CADPS2: variants seen among roughly 807,000 people sequenced by gnomAD.
CADPS2 encodes calcium-dependent secretion activator 2.
In CADPS2, 93 loss-of-function variants were observed where a neutral mutation model predicts 172.5. The ratio of observed to expected loss-of-function variants is 0.54; its 90% CI spans 0.46 to 0.64. The LOEUF is 0.64. Among genes scored for constraint, CADPS2 ranks in the 30% least tolerant of loss-of-function variants. CADPS2 has a pLI of 0.00. For missense variants in CADPS2, 1,420 were observed against 1,565.9 expected, an observed-to-expected ratio of 0.91 and a Z score of 1.57; for synonymous variants, 546 against 555.2, an observed-to-expected ratio of 0.98 and a Z score of 0.23.
At chr7:122,758,432 A>G (rs2093254671) in intron 1 of CADPS2, among the ~76,000 whole-genome samples, 1 of 152,188 alleles carries the variant, frequency 6.6e-6, no homozygotes, top group Non-Finnish European at 1.5e-5. Context: ...CACAGGGGTA[A>G]AACAAAGCAA....
chr7:122,886,039 T>A lies in CADPS2; in HGVS notation c.299A>T (p.Asn100Ile). 1 of 1,608,516 alleles carries A rather than the reference T, an allele frequency of 6.2e-7. No individual in the cohort carries two copies. The highest frequency in any genetic ancestry group is 8.5e-7 in the Non-Finnish European group (1 of 1,177,840). ...GGCCATGTCGGTGGGCTGCTTGGCG[T>A]TGAAGGGGTACGCGATGCACCTCAC... Reference protein sequence around the residue: ...FVVRCIAYPFNAKQPTDMARR... With the variant: ...FVVRCIAYPFIAKQPTDMARR... The change falls in exon 1 of 30, where the codon AAC becomes ATC. Residue 100 changes from asparagine (N) to isoleucine (I), a missense_variant. By Grantham distance (149) the Asn-to-Ile change is moderately radical. Coordinates refer to ENST00000449022, the MANE Select transcript of CADPS2 (RefSeq NM_017954.11).
intron 17 of CADPS2, among the ~76,000 whole-genome samples, chr7:122,432,576 G>A (rs1005878528): frequency 6.6e-6 from 1 of 151,010 alleles, no homozygotes; most frequent in African/African-American, 2.4e-5. Context: ...GGGAGGCGGA[G>A]GTTGCAGTGA....
intron 2 of CADPS2, among the ~76,000 whole-genome samples, chr7:122,709,004 C>T (rs1214369247): frequency 6.6e-6 from 1 of 152,062 alleles, no homozygotes; most frequent in Non-Finnish European, 1.5e-5. Context: ...ACCATTTAGA[C>T]TGGATTTTTG....
At chr7:122,869,918 G>C (rs958516830) in intron 1 of CADPS2, among the ~76,000 whole-genome samples, 1 of 151,890 alleles carries the variant, frequency 6.6e-6, no homozygotes, top group Non-Finnish European at 1.5e-5. Flanking sequence ...AATGTTTTAT[G>C]GTAGCCTCAT....
At chr7:122,645,912 G>A (rs1051691550) in intron 3 of CADPS2, among the ~76,000 whole-genome samples, 6 of 150,458 alleles carry the variant, frequency 4.0e-5, no homozygotes, top group Admixed American at 6.7e-5. Context: ...TTCATCTTCT[G>A]GAAAAAAGGA....
At chr7:122,714,365 G>T (rs2089268679) in intron 2 of CADPS2, among the ~76,000 whole-genome samples, 2 of 151,978 alleles carry the variant, frequency 1.3e-5, no homozygotes, top group African/African-American at 4.8e-5. Context: ...ACAACTTTCA[G>T]ATTGTTTCTA....
At chr7:122,334,736 T>C (rs1229190789) in intron 28 of CADPS2, among the ~76,000 whole-genome samples, 1 of 152,200 alleles carries the variant, frequency 6.6e-6, no homozygotes, top group Non-Finnish European at 1.5e-5. Flanking sequence ...ATTATTAGTA[T>C]CTATTTTGAA....
chr7:122,377,799 C>T (rs565822474), intron 25 of CADPS2, among the ~76,000 whole-genome samples: 5 of 152,124 alleles, frequency 3.3e-5, no homozygotes, highest in African/African-American at 4.8e-5. Context: ...GTATCTGTAT[C>T]TGTAGGTATT....
chr7:122,536,772 A>G (rs2062331380), intron 8 of CADPS2, among the ~76,000 whole-genome samples: 1 of 152,104 alleles, frequency 6.6e-6, no homozygotes, highest in Non-Finnish European at 1.5e-5. Flanking sequence ...CTCAACTCTC[A>G]CATCAGAGGT....
intron 7 of CADPS2, among the ~76,000 whole-genome samples, chr7:122,564,061 A>C (rs1159803444): frequency 2.0e-5 from 3 of 152,240 alleles, no homozygotes; most frequent in East Asian, 1.9e-4. Flanking sequence ...AAAAATAAAA[A>C]AACTAGAATA....
intron 14 of CADPS2, among the ~76,000 whole-genome samples, chr7:122,465,895 G>C (rs1217842438): frequency 6.6e-6 from 1 of 152,136 alleles, no homozygotes; most frequent in African/African-American, 2.4e-5. Flanking sequence ...CGTCAACATA[G>C]ATCTACAAAT....
chr7:122,649,898 ATTTTTTTTTTT>A (rs71531909), intron 3 of CADPS2, among the ~76,000 whole-genome samples: 19 of 52,020 alleles, frequency 3.7e-4, no homozygotes, highest in Admixed American at 2.9e-3. Context: ...GTATTCAATG[ATTTTTTTTTTT>A]TTTTTTTTTT....
chr7:122,798,297 G>C (rs1023497216), intron 1 of CADPS2, among the ~76,000 whole-genome samples: 12 of 152,070 alleles, frequency 7.9e-5, no homozygotes, highest in African/African-American at 2.9e-4. Context: ...AGTTCACCCA[G>C]CCCCTAGACC....
In CADPS2 at chr7:122,681,484, G is replaced by A. The variant is rs1261090466; in HGVS notation, c.454-17915C>T. ...GCAGTCAGGGACATTTCTGAAGCAAGCGTCTTCGATGCCTATGTGCTTCCC... is the reference window on the plus strand; with the variant it reads ...GCAGTCAGGGACATTTCTGAAGCAAACGTCTTCGATGCCTATGTGCTTCCC... On this transcript the variant is annotated intron_variant, in intron 2 of 29. Transcript: ENST00000449022. The A allele has an allele frequency of 1.9e-5, 29 of 1,506,364 alleles. No homozygotes were observed. In the East Asian group the frequency reaches 6.5e-4, roughly 34 times the overall value. The allele number at this position is 1,506,364 out of a possible 1,614,324, so 93.3% of individuals were successfully genotyped here. A position where few individuals can be genotyped will look rare whatever the true frequency, so the allele number is the denominator to read the frequency against.
Position 122,697,695 on chromosome 7 carries a change from A to G in CADPS2, c.454-34126T>C, listed in dbSNP as rs952310030. The G allele has an allele frequency of 3.1e-6, 3 of 958,214 alleles. No individual in the cohort carries two copies. In the African/African-American group the frequency reaches 4.9e-5, roughly 16 times the overall value. The allele number at this position is 958,214 out of a possible 1,614,324, so 59.4% of individuals were successfully genotyped here. On this transcript the variant is annotated intron_variant, in intron 2 of 29. Transcript: ENST00000449022. Reference sequence around the variant, plus strand: ...AATTACTGAAGTAACAAAAAAGGACACAAAAACCACACTTCAAACAGACAA... The same window carrying G: ...AATTACTGAAGTAACAAAAAAGGACGCAAAAACCACACTTCAAACAGACAA...
At chr7:122,875,053 T>C (rs900842046) in intron 1 of CADPS2, among the ~76,000 whole-genome samples, 21 of 152,234 alleles carry the variant, frequency 1.4e-4, no homozygotes, top group African/African-American at 5.1e-4. Flanking sequence ...TATTAAAGCA[T>C]GGGACTAGGC....
chr7:122,601,323 A>G (rs976152579), intron 6 of CADPS2, among the ~76,000 whole-genome samples: 3 of 152,094 alleles, frequency 2.0e-5, no homozygotes, highest in African/African-American at 7.2e-5. Context: ...ATTAGAACAC[A>G]GTGAGAATTT....
intron 9 of CADPS2, among the ~76,000 whole-genome samples, chr7:122,511,449 A>G (rs2059996036): frequency 6.6e-6 from 1 of 152,164 alleles, no homozygotes; most frequent in Non-Finnish European, 1.5e-5. Context: ...CTGATCTACA[A>G]AAGCCTAACT....
At chr7:122,770,373 ATTTATTT>A (rs1320907528) in intron 1 of CADPS2, among the ~76,000 whole-genome samples, 3 of 152,098 alleles carry the variant, frequency 2.0e-5, no homozygotes, top group African/African-American at 7.2e-5. Flanking sequence ...TATTATTATT[ATTTATTT>A]TTTATTTTTG....
Sources: gnomAD v4.1 joint callset for allele counts (sites outside exome capture counted in the v4.1 genomes callset) on GRCh38, gnomAD v4.1.1 for gene constraint, MANE v1.5 for transcripts, NCBI Gene and HGNC (gene_info 2026-07-23, HGNC 2026-07-21) for gene names.